SPOCK1: variants seen among roughly 807,000 people sequenced by gnomAD.
SPOCK1 encodes the protein SPARC (osteonectin), cwcv and kazal like domains proteoglycan 1.
A neutral mutation model predicts 55.3 loss-of-function variants in SPOCK1; 23 were observed. That is an observed-to-expected ratio of 0.42 (90% CI 0.30 to 0.59). The LOEUF is 0.59. SPOCK1 is among the 20% of genes least tolerant of loss of function. The pLI, the probability that SPOCK1 is intolerant of heterozygous loss-of-function variation, is 0.22. For synonymous variants in SPOCK1, 226 were observed against 221.0 expected, an observed-to-expected ratio of 1.02 and a Z score of -0.20; for missense variants, 499 against 552.5, an observed-to-expected ratio of 0.90 and a Z score of 0.97.
At chr5:137,095,236 A>G (rs1184083235) in intron 5 of SPOCK1, among the ~76,000 whole-genome samples, 10 of 152,208 alleles carry the variant, frequency 6.6e-5, no homozygotes, top group Non-Finnish European at 4.4e-5. Context: ...GAAATATTGC[A>G]AGAATTACCA....
At chr5:137,253,746 T>G (rs1561485088) in intron 3 of SPOCK1, among the ~76,000 whole-genome samples, 1 of 152,190 alleles carries the variant, frequency 6.6e-6, no homozygotes. Context: ...GCCATCCCTT[T>G]GCAACTCCCA....
At chr5:137,306,797 C>T (rs1438663623) in intron 2 of SPOCK1, among the ~76,000 whole-genome samples, 5 of 151,766 alleles carry the variant, frequency 3.3e-5, no homozygotes, top group African/African-American at 4.8e-5. Context: ...TCAGCCTAAA[C>T]AACACATAAT....
At chr5:137,228,721 T>C (rs17171129) in intron 3 of SPOCK1, among the ~76,000 whole-genome samples, 3,407 of 152,286 alleles carry the variant, frequency 0.022, 130 homozygotes, top group African/African-American at 0.078. Context: ...CAGGTGGAAT[T>C]GCAGTACAAA....
chr5:136,998,814 C>T (rs1365837257), intron 6 of SPOCK1, among the ~76,000 whole-genome samples: 1 of 152,182 alleles, frequency 6.6e-6, no homozygotes, highest in African/African-American at 2.4e-5. Flanking sequence ...AGGTATAGTG[C>T]CATTGCACAT....
At chr5:137,172,395 G>A (rs933406032) in intron 3 of SPOCK1, among the ~76,000 whole-genome samples, 4 of 152,114 alleles carry the variant, frequency 2.6e-5, no homozygotes, top group African/African-American at 7.2e-5. Flanking sequence ...TATGGTGAGC[G>A]AAAGAGTCAC....
At chr5:137,328,584 A>AG (rs1358552239) in intron 2 of SPOCK1, among the ~76,000 whole-genome samples, 3 of 152,216 alleles carry the variant, frequency 2.0e-5, no homozygotes, top group Non-Finnish European at 4.4e-5. Context: ...TCAATGCAGA[A>AG]CACAGCTCTA....
chr5:137,341,328 C>T (rs1417393397), intron 2 of SPOCK1, among the ~76,000 whole-genome samples: 2 of 152,216 alleles, frequency 1.3e-5, no homozygotes, highest in Non-Finnish European at 2.9e-5. Context: ...ATAAACAAAA[C>T]CTATTCCCAG....
chr5:137,131,695 G>T (rs1003701100), intron 4 of SPOCK1, among the ~76,000 whole-genome samples: 2 of 147,362 alleles, frequency 1.4e-5, no homozygotes, highest in Admixed American at 6.8e-5. Context: ...TCTCCCCCCC[G>T]GGTGTGGTAG....
intron 4 of SPOCK1, among the ~76,000 whole-genome samples, chr5:137,129,375 C>A (rs1413632908): frequency 6.6e-6 from 1 of 152,124 alleles, no homozygotes; most frequent in Non-Finnish European, 1.5e-5. Flanking sequence ...CAGAGAAAAC[C>A]AATTCACCAA....
At chr5:137,191,876 T>C (rs1561467040) in intron 3 of SPOCK1, among the ~76,000 whole-genome samples, 1 of 152,154 alleles carries the variant, frequency 6.6e-6, no homozygotes, top group Non-Finnish European at 1.5e-5. Flanking sequence ...AAACTCACCA[T>C]CTGTCCTTGC....
chr5:137,241,547 G>C (rs1458949963), intron 3 of SPOCK1, among the ~76,000 whole-genome samples: 1 of 152,138 alleles, frequency 6.6e-6, no homozygotes, highest in Non-Finnish European at 1.5e-5. Flanking sequence ...CAACAGTGTT[G>C]GGAGGTGGAG....
At chr5:137,300,354 C>A (rs1240513850) in intron 2 of SPOCK1, among the ~76,000 whole-genome samples, 1 of 152,188 alleles carries the variant, frequency 6.6e-6, no homozygotes, top group Admixed American at 6.5e-5. Context: ...ACATCTGGAT[C>A]ATTTCAGGGT....
chr5:137,175,178 A>G (rs1452080783), intron 3 of SPOCK1, among the ~76,000 whole-genome samples: 1 of 152,234 alleles, frequency 6.6e-6, no homozygotes, highest in Non-Finnish European at 1.5e-5. Flanking sequence ...TGCACCAGGC[A>G]TGAAGCCTTG....
intron 3 of SPOCK1, among the ~76,000 whole-genome samples, chr5:137,208,623 GCAT>G (rs1755559690): frequency 6.6e-6 from 1 of 152,186 alleles, no homozygotes; most frequent in African/African-American, 2.4e-5. Flanking sequence ...ACCAAATACT[GCAT>G]GTTCTCACTT....
intron 6 of SPOCK1, among the ~76,000 whole-genome samples, chr5:137,062,788 C>T (rs1248015689): frequency 1.3e-5 from 2 of 151,966 alleles, no homozygotes; most frequent in African/African-American, 4.8e-5. Context: ...ATTTCATCTC[C>T]CTCTTTTTAA....
intron 2 of SPOCK1, among the ~76,000 whole-genome samples, chr5:137,470,865 G>C (rs1753726387): frequency 6.6e-6 from 1 of 152,178 alleles, no homozygotes; most frequent in Non-Finnish European, 1.5e-5. Context: ...ACGGGAAGCA[G>C]ATCAGCCAGG....
chr5:137,134,224 T>C (rs1753938991), intron 4 of SPOCK1, among the ~76,000 whole-genome samples: 1 of 152,248 alleles, frequency 6.6e-6, no homozygotes, highest in African/African-American at 2.4e-5. Context: ...GAGAAGTCAG[T>C]AAGATTTCTC....
At chr5:137,406,199 T>C (rs1752095124) in intron 2 of SPOCK1, among the ~76,000 whole-genome samples, 1 of 152,168 alleles carries the variant, frequency 6.6e-6, no homozygotes, top group Admixed American at 6.5e-5. Flanking sequence ...GGGCAGCCTC[T>C]CACCAGGACA....
At chr5:137,394,994 C>T (rs1174540012) in intron 2 of SPOCK1, among the ~76,000 whole-genome samples, 2 of 152,204 alleles carry the variant, frequency 1.3e-5, no homozygotes, top group African/African-American at 2.4e-5. Context: ...TCCAGCAAGA[C>T]CAAGTTACTT....
Sources: gnomAD v4.1 joint callset for allele counts (sites outside exome capture counted in the v4.1 genomes callset) on GRCh38, gnomAD v4.1.1 for gene constraint, MANE v1.5 for transcripts, NCBI Gene and HGNC (gene_info 2026-07-23, HGNC 2026-07-21) for gene names.